The following AUTS2 variants were observed in gnomAD, a reference collection of about 807,000 sequenced individuals.
AUTS2 encodes the protein autism susceptibility gene 2 protein.
AUTS2 carries 17 observed loss-of-function variants against 112.4 expected under a neutral mutation model. The ratio of observed to expected loss-of-function variants is 0.15; its 90% CI spans 0.10 to 0.23. The LOEUF (loss-of-function observed/expected upper bound fraction) is 0.23. AUTS2 is among the 10% of genes least tolerant of loss of function. AUTS2 has a pLI of 1.00. For synonymous variants in AUTS2, 751 were observed against 702.7 expected, an observed-to-expected ratio of 1.07 and a Z score of -1.09; for missense variants, 1,510 against 1,701.6, an observed-to-expected ratio of 0.89 and a Z score of 1.98.
At chr7:69,833,191 G>A (rs1375685778) in intron 1 of AUTS2, among the ~76,000 whole-genome samples, 2 of 152,262 alleles carry the variant, frequency 1.3e-5, no homozygotes, top group African/African-American at 4.8e-5. Flanking sequence ...AGGTCCTCCA[G>A]TGATGTCTAG....
intron 2 of AUTS2, among the ~76,000 whole-genome samples, chr7:70,044,422 C>G (rs1339103036): frequency 1.3e-5 from 2 of 152,144 alleles, no homozygotes; most frequent in Non-Finnish European, 2.9e-5. Context: ...CTCCTTCCCC[C>G]CACCCTCTGC....
chr7:69,770,692 G>C (rs1032006199), intron 1 of AUTS2, among the ~76,000 whole-genome samples: 2 of 152,084 alleles, frequency 1.3e-5, no homozygotes, highest in Non-Finnish European at 2.9e-5. Flanking sequence ...TATATAGCAA[G>C]GATTTCCAGG....
At chr7:70,284,724 A>G (rs73432994) in intron 4 of AUTS2, among the ~76,000 whole-genome samples, 2,144 of 152,266 alleles carry the variant, frequency 0.014, 70 homozygotes, top group African/African-American at 0.049. Flanking sequence ...CAAGTTCGTT[A>G]TAAAGAAGAT....
intron 2 of AUTS2, among the ~76,000 whole-genome samples, chr7:70,101,109 G>C (rs10268235): frequency 0.36 from 55,136 of 151,654 alleles, 10,544 homozygotes; most frequent in African/African-American, 0.48. Context: ...AACTCCTGAC[G>C]CCAGGTGATC....
At chr7:70,173,761 G>T (rs1252322023) in intron 4 of AUTS2, among the ~76,000 whole-genome samples, 14 of 152,020 alleles carry the variant, frequency 9.2e-5, no homozygotes, top group African/African-American at 3.4e-4. Context: ...AACTGTTGTG[G>T]TGATCTGTGA....
intron 10 of AUTS2, among the ~76,000 whole-genome samples, chr7:70,771,024 A>T (rs569377724): frequency 6.6e-6 from 1 of 152,324 alleles, no homozygotes; most frequent in South Asian, 2.1e-4. Flanking sequence ...CAACAACCTA[A>T]TGAAGCAAGG....
chr7:70,752,807 C>T (rs1024328366), intron 6 of AUTS2, among the ~76,000 whole-genome samples: 1 of 152,166 alleles, frequency 6.6e-6, no homozygotes, highest in African/African-American at 2.4e-5. Flanking sequence ...TAATGTTGGT[C>T]ATTTGATTAC....
At chr7:70,493,666 G>C (rs1422502027) in intron 5 of AUTS2, among the ~76,000 whole-genome samples, 1 of 152,002 alleles carries the variant, frequency 6.6e-6, no homozygotes, top group Non-Finnish European at 1.5e-5. Flanking sequence ...TAAAGCATAA[G>C]TATCAGCCTG....
chr7:69,841,045 G>A (rs1791957442), intron 1 of AUTS2, among the ~76,000 whole-genome samples: 1 of 152,162 alleles, frequency 6.6e-6, no homozygotes, highest in African/African-American at 2.4e-5. Flanking sequence ...TAACAAAGTG[G>A]TTCAACTTAG....
intron 2 of AUTS2, among the ~76,000 whole-genome samples, chr7:70,107,577 C>T (rs571711037): frequency 6.6e-4 from 99 of 149,612 alleles, no homozygotes; most frequent in Admixed American, 1.1e-3. Flanking sequence ...CTCCTGACCT[C>T]GTGATCCGCC....
chr7:70,331,060 T>G (rs879413102), intron 4 of AUTS2, among the ~76,000 whole-genome samples: 7 of 152,104 alleles, frequency 4.6e-5, no homozygotes, highest in Non-Finnish European at 1.0e-4. Flanking sequence ...ATGCTGGCCT[T>G]ATAAAATGAG....
chr7:69,998,124 C>T (rs1044241717), intron 2 of AUTS2, among the ~76,000 whole-genome samples: 5 of 152,076 alleles, frequency 3.3e-5, no homozygotes, highest in African/African-American at 1.2e-4. Context: ...ACTTTGTTAC[C>T]AGGTACCGTT....
intron 1 of AUTS2, among the ~76,000 whole-genome samples, chr7:69,711,256 A>C (rs1330049803): frequency 1.3e-5 from 2 of 152,188 alleles, no homozygotes; most frequent in African/African-American, 4.8e-5. Flanking sequence ...ATGATAGTTT[A>C]AGAATGAGCT....
chr7:69,887,306 C>CAG (rs1296608948), intron 1 of AUTS2, among the ~76,000 whole-genome samples: 1 of 150,584 alleles, frequency 6.6e-6, no homozygotes. Context: ...ATCCCAGCTA[C>CAG]ATGGGAGGCT....
At chr7:70,749,301 T>G (rs1173435708) in intron 6 of AUTS2, among the ~76,000 whole-genome samples, 4 of 152,046 alleles carry the variant, frequency 2.6e-5, no homozygotes, top group Non-Finnish European at 5.9e-5. Flanking sequence ...CTCCCAGCAG[T>G]GCTGTAGAAC....
At chr7:70,325,915 G>C (rs1219063416) in intron 4 of AUTS2, among the ~76,000 whole-genome samples, 2 of 152,118 alleles carry the variant, frequency 1.3e-5, no homozygotes, top group East Asian at 3.9e-4. Context: ...CAACACCATG[G>C]GCCTCAGCTC....
chr7:69,681,421 A>G (rs928700635), intron 1 of AUTS2, among the ~76,000 whole-genome samples: 3 of 152,226 alleles, frequency 2.0e-5, no homozygotes, highest in Non-Finnish European at 4.4e-5. Flanking sequence ...CCAGACTGAC[A>G]GAGTGGCTAC....
chr7:70,282,020 TA>T (rs1788241062), intron 4 of AUTS2, among the ~76,000 whole-genome samples: 1 of 152,210 alleles, frequency 6.6e-6, no homozygotes, highest in African/African-American at 2.4e-5. Context: ...AAAGTCAGAT[TA>T]AGCTTTAATG....
chr7:69,876,904 A>T (rs966197427), intron 1 of AUTS2, among the ~76,000 whole-genome samples: 2 of 151,942 alleles, frequency 1.3e-5, no homozygotes, highest in Non-Finnish European at 2.9e-5. Context: ...CAAATCTCTG[A>T]TGTTTTGTTG....
Sources: gnomAD v4.1 joint callset for allele counts (sites outside exome capture counted in the v4.1 genomes callset) on GRCh38, gnomAD v4.1.1 for gene constraint, MANE v1.5 for transcripts, NCBI Gene and HGNC (gene_info 2026-07-23, HGNC 2026-07-21) for gene names.